PEAK1: variants seen among roughly 807,000 people sequenced by gnomAD.
PEAK1 encodes the protein pseudopodium enriched atypical kinase 1.
In PEAK1, 54 loss-of-function variants were observed where a neutral mutation model predicts 124.7. The ratio of observed to expected loss-of-function variants is 0.43; its 90% CI spans 0.35 to 0.54. The LOEUF (loss-of-function observed/expected upper bound fraction) is 0.54, where lower values mean the gene tolerates loss of function less well. PEAK1 is among the 20% of genes least tolerant of loss of function. The probability of loss-of-function intolerance (pLI) is 0.01; values close to 1 mark genes in which losing one functional copy is unlikely to be tolerated. For missense variants in PEAK1, 2,046 were observed against 2,134.5 expected, an observed-to-expected ratio of 0.96 and a Z score of 0.82; for synonymous variants, 719 against 760.0, an observed-to-expected ratio of 0.95 and a Z score of 0.89.
intron 1 of PEAK1, among the ~76,000 whole-genome samples, chr15:77,411,072 A>T (rs961911672): frequency 6.6e-6 from 1 of 152,156 alleles, no homozygotes. Context: ...TAAAATTCTA[A>T]AATTGTTATT....
intron 6 of PEAK1, among the ~76,000 whole-genome samples, chr15:77,195,065 TAA>T (rs2058036221): frequency 6.6e-6 from 1 of 152,160 alleles, no homozygotes; most frequent in South Asian, 2.1e-4. Context: ...TTATTTACTA[TAA>T]GTTTATTTAA....
At chr15:77,417,791 C>T (rs2073009577) in intron 1 of PEAK1, 1 of 985,268 alleles carries the variant, frequency 1.0e-6, no homozygotes, top group Non-Finnish European at 1.2e-6. Flanking sequence ...TGCTTCACCA[C>T]GGAACAATTT....
At chr15:77,380,484 T>A (rs1051411053) in intron 1 of PEAK1, among the ~76,000 whole-genome samples, 4 of 152,110 alleles carry the variant, frequency 2.6e-5, no homozygotes, top group Non-Finnish European at 5.9e-5. Flanking sequence ...AAAATCAGTT[T>A]TTTGAATTTT....
At chr15:77,103,103 T>C (rs1411954705) in exon 7 of PEAK1, 2 of 152,224 alleles carry the variant, frequency 1.3e-5, no homozygotes, top group East Asian at 1.9e-4. Context: ...TTATTTTTAG[T>C]GCGAGAAGCT....
intron 1 of PEAK1, among the ~76,000 whole-genome samples, chr15:77,410,238 A>G (rs1330652127): frequency 6.6e-6 from 1 of 151,464 alleles, no homozygotes; most frequent in Non-Finnish European, 1.5e-5. Flanking sequence ...CTCCCAAGTG[A>G]TTCTCCTACC....
At chr15:77,129,737 C>T (rs573374040) in intron 9 of PEAK1, among the ~76,000 whole-genome samples, 16 of 152,080 alleles carry the variant, frequency 1.1e-4, no homozygotes, top group African/African-American at 2.7e-4. Context: ...TGAGCCACCA[C>T]GCCCAGTCTA....
At chr15:77,304,639 GGGGTTTCACTGT>G (rs1286424380) in intron 2 of PEAK1, among the ~76,000 whole-genome samples, 2 of 151,768 alleles carry the variant, frequency 1.3e-5, no homozygotes, top group Admixed American at 1.3e-4. Flanking sequence ...TAGTAGAGAT[GGGGTTTCACTGT>G]GTTAGCCAGG....
intron 9 of PEAK1, among the ~76,000 whole-genome samples, chr15:77,127,319 T>C (rs1233700052): frequency 6.6e-6 from 1 of 152,118 alleles, no homozygotes; most frequent in East Asian, 1.9e-4. Context: ...TGGTATTTTG[T>C]TATGGCAGCC....
chr15:77,393,038 G>A (rs1346476602), intron 1 of PEAK1, among the ~76,000 whole-genome samples: 3 of 152,210 alleles, frequency 2.0e-5, no homozygotes, highest in African/African-American at 7.2e-5. Context: ...AGCAAGACCA[G>A]GCAGAACTCA....
rs1346334123 is a variant in PEAK1 at position 77,343,478 on chromosome 15, C to T, written c.-603+21685G>A. 3.2e-5 allele frequency among the ~76,000 whole-genome samples: 4 copies of T among 126,220 alleles called. No individual in the cohort carries two copies. In the East Asian group the frequency reaches 9.1e-4, roughly 29 times the overall value. The allele number at this position is 126,220 out of a possible 152,430, so 82.8% of individuals were successfully genotyped here. A position where few individuals can be genotyped will look rare whatever the true frequency, so the allele number is the denominator to read the frequency against. ...AGTTTTTAATTTTAGTAAAGTCCAA[C>T]TTACTTTTTTTTTTTTTTTTTTTTT... On this transcript the variant is annotated intron_variant, in intron 2 of 9. Coordinates refer to ENST00000682557, the MANE Select transcript of PEAK1 (RefSeq NM_001385026.1).
At chr15:77,255,878 C>A (rs564927718) in intron 5 of PEAK1, among the ~76,000 whole-genome samples, 3 of 152,172 alleles carry the variant, frequency 2.0e-5, no homozygotes, top group Non-Finnish European at 4.4e-5. Context: ...TAAGGCACAT[C>A]AGGTAGAATA....
rs191282873 is a variant in PEAK1 at position 77,340,495 on chromosome 15, G to T, written c.-603+24668C>A. 2.0e-3 allele frequency among the ~76,000 whole-genome samples: 298 copies of T among 152,280 alleles called. 1 individual carries two copies. The highest frequency in any genetic ancestry group is 3.4e-3 in the Middle Eastern group (1 of 294). ...AGGAATGAATGAATGGAGCACAGAT[G>T]ACTTTTCCAGCAGTGAAAATATTCT... is the stretch of plus-strand genomic sequence containing the variant. On this transcript the variant is annotated intron_variant, in intron 2 of 9. Transcript: ENST00000682557.
chr15:77,151,295 G>A (rs1441363227), intron 8 of PEAK1, among the ~76,000 whole-genome samples: 1 of 151,818 alleles, frequency 6.6e-6, no homozygotes, highest in Non-Finnish European at 1.5e-5. Flanking sequence ...GTGTCTTTTG[G>A]CTGCATAAAT....
intron 6 of PEAK1, among the ~76,000 whole-genome samples, chr15:77,246,562 A>G (rs1273631072): frequency 1.3e-5 from 2 of 152,034 alleles, no homozygotes; most frequent in Admixed American, 6.6e-5. Flanking sequence ...GTTGAGCACA[A>G]TATCTCTTTA....
Position 77,133,412 on chromosome 15 carries a change from T to G in PEAK1, c.3670A>C (p.Lys1224Gln), listed in dbSNP as rs1567009519. 2 of 1,614,186 alleles carry G rather than the reference T, an allele frequency of 1.2e-6. No homozygotes were observed. The highest frequency in any genetic ancestry group is 8.5e-7 in the Non-Finnish European group (1 of 1,180,036). The change falls in exon 9 of 10, where the codon AAG becomes CAG. Residue 1224 changes from lysine to glutamine, a missense_variant. Lys to Gln is a moderately conservative substitution (Grantham distance 53). Transcript: ENST00000682557. The surrounding 1 kb of genome is among the most constrained non-coding windows in gnomAD (Gnocchi z 4.2). ...GCTGCTGAGGGGACAGGTCTCTCCT[T>G]GCGCAAAGGCCTTTCCAAGGAGTCA... ...SYDSLERPLR[K>Q]ERPVPSAANS...
intron 6 of PEAK1, among the ~76,000 whole-genome samples, chr15:77,185,226 T>G (rs964351500): frequency 7.2e-5 from 11 of 152,226 alleles, no homozygotes; most frequent in African/African-American, 2.7e-4. Context: ...GGGAAGACTA[T>G]GAGTCCATAT....
intron 1 of PEAK1, among the ~76,000 whole-genome samples, chr15:77,393,409 T>C (rs1055340079): frequency 1.3e-5 from 2 of 151,908 alleles, no homozygotes; most frequent in African/African-American, 4.8e-5. Context: ...AAGGGAAGAG[T>C]AAAGAGGACT....
intron 5 of PEAK1, among the ~76,000 whole-genome samples, chr15:77,276,291 C>G (rs2062322009): frequency 6.6e-6 from 1 of 152,150 alleles, no homozygotes; most frequent in Non-Finnish European, 1.5e-5. Context: ...CAAAACACAT[C>G]AAAGTCAAAC....
intron 1 of PEAK1, chr15:77,403,460 A>G: frequency 1.1e-6 from 1 of 932,466 alleles, no homozygotes; most frequent in Non-Finnish European, 1.3e-6. Context: ...TAATTATTAA[A>G]GAGTTCTCAT....
Sources: allele counts gnomAD v4.1 joint callset (sites outside exome capture counted in the v4.1 genomes callset), GRCh38; gene constraint gnomAD v4.1.1; non-coding constraint Gnocchi (gnomAD v3.1); transcripts MANE v1.5; gene names NCBI Gene and HGNC (gene_info 2026-07-23, HGNC 2026-07-21).